Variants in TDRD3 observed in about 807,000 individuals in gnomAD.
TDRD3 encodes tudor domain containing 3, also known as tudor domain-containing protein 3.
In TDRD3, 45 loss-of-function variants were observed where a neutral mutation model predicts 86.7. That is an observed-to-expected ratio of 0.52 (90% confidence interval 0.41 to 0.67). The LOEUF (loss-of-function observed/expected upper bound fraction) is 0.67, where lower values mean the gene tolerates loss of function less well. Ranked by LOEUF, TDRD3 falls within the 30% of genes least tolerant of loss-of-function variation. The pLI is 0.00. For synonymous variants in TDRD3, 298 were observed against 301.7 expected (o/e 0.99, Z 0.13); for missense variants, 814 against 889.0 (o/e 0.92, Z 1.07).
chr13:60,471,133 G>C (rs552188470), intron 5 of TDRD3, among the ~76,000 whole-genome samples: 4 of 152,180 alleles, frequency 2.6e-5, no homozygotes, highest in Admixed American at 2.6e-4. Flanking sequence ...CACTGTGTTG[G>C]TAGTGTCTTT....
rs765507725 is a variant in TDRD3 at position 60,467,310 on chromosome 13, G to A, written c.426G>A (p.Leu142=). Residue 142 remains leucine, a synonymous_variant, in exon 5 of 14, where the codon TTG becomes TTA. Coordinates refer to ENST00000377881, the MANE Select transcript of TDRD3 (RefSeq NM_001146070.2). Reference sequence around the variant, plus strand: ...ACATAAAAAATGGATTCCTGCTCTTGAATGACTCTAACACCACAGTTCTTG... The same window carrying A: ...ACATAAAAAATGGATTCCTGCTCTTAAATGACTCTAACACCACAGTTCTTG... ...IVDIKNGFLL[L]NDSNTTVLGG... is the part of the protein sequence containing the mutation. 22 of 1,613,744 alleles carry A rather than the reference G, an allele frequency of 1.4e-5. No homozygotes were observed. The South Asian group carries it at 1.6e-4, about 12-fold the overall frequency.
intron 5 of TDRD3, among the ~76,000 whole-genome samples, chr13:60,472,255 G>C (rs2138103417): frequency 6.6e-6 from 1 of 151,988 alleles, no homozygotes; most frequent in African/African-American, 2.4e-5. Flanking sequence ...ATATGGTATG[G>C]GATTCTGATT....
chr13:60,469,106 C>G (rs1956017850), intron 5 of TDRD3, among the ~76,000 whole-genome samples: 1 of 152,026 alleles, frequency 6.6e-6, no homozygotes, highest in African/African-American at 2.4e-5. Context: ...GGTTGCTGTA[C>G]TATGCAATAT....
intron 12 of TDRD3, chr13:60,537,793 G>A (rs1957731022): frequency 6.6e-6 from 1 of 151,870 alleles, no homozygotes; most frequent in Admixed American, 6.6e-5. Context: ...AAATGGTATT[G>A]TATCTTTCAT....
chr13:60,403,774 T>G (rs1364798021), intron 1 of TDRD3, among the ~76,000 whole-genome samples: 1 of 150,950 alleles, frequency 6.6e-6, no homozygotes, highest in African/African-American at 2.4e-5. Flanking sequence ...GATGTGAGTG[T>G]GTGTATGTAC....
chr13:60,471,507 C>T, intron 5 of TDRD3, among the ~76,000 whole-genome samples: 1 of 151,036 alleles, frequency 6.6e-6, no homozygotes. Context: ...ATTGAGATTC[C>T]TTATGAATTA....
chr13:60,534,927 C>CAG (rs751886639), intron 11 of TDRD3, among the ~76,000 whole-genome samples, 181 bp from the exon 12 acceptor site: 1 of 54,732 alleles, frequency 1.8e-5, no homozygotes, highest in African/African-American at 6.7e-5. Flanking sequence ...GACCCTGTCT[C>CAG]AAAAAAAAAA....
At chr13:60,403,013 C>G (rs181159337) in intron 1 of TDRD3, among the ~76,000 whole-genome samples, 30 of 152,336 alleles carry the variant, frequency 2.0e-4, no homozygotes, top group African/African-American at 7.0e-4. Flanking sequence ...TGCCGACTTT[C>G]TGTCTCAAAA....
At chr13:60,488,908 T>A (rs1157886969) in intron 7 of TDRD3, among the ~76,000 whole-genome samples, 3 of 152,126 alleles carry the variant, frequency 2.0e-5, no homozygotes, top group Non-Finnish European at 4.4e-5. Flanking sequence ...TGTTTAGTTT[T>A]GTTTTGCTTT....
intron 12 of TDRD3, among the ~76,000 whole-genome samples, chr13:60,558,139 A>T (rs907192611): frequency 1.4e-4 from 21 of 152,246 alleles, no homozygotes; most frequent in African/African-American, 4.3e-4. Flanking sequence ...CTGATTTTTT[A>T]AAATCTGTAT....
chr13:60,478,260 CTTT>C (rs1240192566), intron 5 of TDRD3, among the ~76,000 whole-genome samples: 1 of 121,648 alleles, frequency 8.2e-6, no homozygotes, highest in Non-Finnish European at 1.8e-5. Context: ...GATCTTCTCT[CTTT>C]TTTGTTAATC....
rs544496239 is a variant in TDRD3, at chr13:60,489,319, A to T, written c.717+3371A>T. On this transcript the variant is annotated intron_variant, in intron 7 of 13. Coordinates refer to ENST00000377881, the MANE Select transcript of TDRD3 (RefSeq NM_001146070.2). ...ACATAGACATTTCTTAACCAGTGAG[A>T]TTGAAATTGTTTCCTTTATTCAAAA... Among the ~76,000 whole-genome samples, 15 of 152,324 alleles carry T rather than the reference A, an allele frequency of 9.8e-5. 1 individual carries two copies. Among genetic ancestry groups the T allele is most frequent in the African/African-American group, 3.6e-4 (15 of 41,574 alleles).
At chr13:60,487,923 A>G (rs924066900) in intron 7 of TDRD3, among the ~76,000 whole-genome samples, 6 of 151,910 alleles carry the variant, frequency 3.9e-5, no homozygotes, top group Admixed American at 3.3e-4. Context: ...TCACATCCTC[A>G]CCAGTATTTG....
At chr13:60,479,067 A>G (rs1181492472) in intron 5 of TDRD3, among the ~76,000 whole-genome samples, 31 of 151,994 alleles carry the variant, frequency 2.0e-4, no homozygotes, top group Non-Finnish European at 1.5e-5. Flanking sequence ...TTGGCCTCTC[A>G]AAGAGCTGGG....
At chr13:60,510,026 A>G (rs1957023975) in intron 9 of TDRD3, 107 bp downstream of exon 9, 2 of 1,361,186 alleles carry the variant, frequency 1.5e-6, no homozygotes, top group Admixed American at 4.9e-5. Context: ...TTTGTTTAAC[A>G]TTATGGTAAG....
intron 10 of TDRD3, among the ~76,000 whole-genome samples, chr13:60,517,614 A>G (rs1349437065): frequency 2.0e-5 from 3 of 152,178 alleles, no homozygotes; most frequent in African/African-American, 4.8e-5. Context: ...AGCCATCTCT[A>G]TGGGCTTCCC....
intron 10 of TDRD3, among the ~76,000 whole-genome samples, chr13:60,517,800 C>T (rs1488129023): frequency 6.6e-6 from 1 of 152,188 alleles, no homozygotes; most frequent in Admixed American, 6.5e-5. Context: ...TGTGCCAGAG[C>T]CACTTAGTAT....
chr13:60,557,259 A>G (rs1357472527), intron 12 of TDRD3, among the ~76,000 whole-genome samples: 3 of 150,990 alleles, frequency 2.0e-5, no homozygotes, highest in Non-Finnish European at 2.9e-5. Context: ...TGCACTTTCT[A>G]GTGAAGGATG....
chr13:60,472,080 G>C (rs1394101000), intron 5 of TDRD3, among the ~76,000 whole-genome samples: 7 of 152,072 alleles, frequency 4.6e-5, no homozygotes, highest in Non-Finnish European at 1.0e-4. Context: ...TATTATAAAA[G>C]TGTGTTTGGT....
Sources: gnomAD v4.1 joint callset for allele counts (sites outside exome capture counted in the v4.1 genomes callset) on GRCh38, gnomAD v4.1.1 for gene constraint, MANE v1.5 for transcripts, NCBI Gene and HGNC (gene_info 2026-07-23, HGNC 2026-07-21) for gene names.